The following GBF1 variants were observed in gnomAD, a reference collection of about 807,000 sequenced individuals.
GBF1 encodes the protein golgi brefeldin A resistant guanine nucleotide exchange factor 1.
GBF1 carries 114 observed loss-of-function variants against 210.5 expected under a neutral mutation model. That is an observed-to-expected ratio of 0.54 (90% CI 0.47 to 0.63). GBF1 has a LOEUF of 0.63. Among genes scored for constraint, GBF1 ranks in the 30% least tolerant of loss-of-function variants. GBF1 has a pLI of 0.00. For synonymous variants in GBF1, 850 were observed against 889.2 expected (o/e 0.96, Z 0.78); for missense variants, 1,851 against 2,357.7 (o/e 0.79, Z 4.45).
chr10:102,342,720 G>A (rs1383148669), intron 3 of GBF1, among the ~76,000 whole-genome samples: 1 of 152,048 alleles, frequency 6.6e-6, no homozygotes, highest in Non-Finnish European at 1.5e-5. Context: ...AGGTGGGGCA[G>A]CCTAGATCAC....
intron 3 of GBF1, among the ~76,000 whole-genome samples, chr10:102,322,647 C>T (rs1380396211): frequency 4.1e-5 from 6 of 145,664 alleles, no homozygotes; most frequent in Non-Finnish European, 7.4e-5. Context: ...TTTGGGAGGC[C>T]GAGGCAGGAG....
chr10:102,276,051 A>C (rs1465953630), intron 3 of GBF1, among the ~76,000 whole-genome samples: 1 of 151,862 alleles, frequency 6.6e-6, no homozygotes, highest in Non-Finnish European at 1.5e-5. Context: ...AGCCTGGCCA[A>C]CATGGTGAAA....
chr10:102,234,720 A>C, the GBF1 span, among the ~76,000 whole-genome samples: 1 of 152,114 alleles, frequency 6.6e-6, no homozygotes, highest in Non-Finnish European at 1.5e-5. Context: ...TGGAAGCAAC[A>C]TGGAGCTGGG....
the GBF1 span, among the ~76,000 whole-genome samples, chr10:102,232,742 A>T: frequency 1.3e-5 from 2 of 152,202 alleles, no homozygotes; most frequent in African/African-American, 2.4e-5. Context: ...CTACATCTGC[A>T]AAAACTTAAA....
chr10:102,249,014 C>T (rs995811917), intron 1 of GBF1, among the ~76,000 whole-genome samples: 1 of 152,176 alleles, frequency 6.6e-6, no homozygotes, highest in African/African-American at 2.4e-5. Context: ...AGAATGACCA[C>T]TCTTTCTATT....
rs192868024 is a variant in GBF1, at chr10:102,372,496, C to T, written c.3660+1636C>T. Among the ~76,000 whole-genome samples the T allele has an allele frequency of 1.8e-3, 275 of 152,158 alleles. 3 individuals carry two copies. The highest frequency in any genetic ancestry group is 0.016 in the Admixed American group (251 of 15,274). ...CACCATTGCACTCCAGCCTGGACAG[C>T]GAAACTCTGTCTCAAAAAAAAGACT... On this transcript the variant is annotated intron_variant, in intron 29 of 39. Coordinates refer to ENST00000369983, the MANE Select transcript of GBF1 (RefSeq NM_001377137.1).
chr10:102,382,037 C>T lies in GBF1; in HGVS notation c.5303-19C>T. On this transcript the variant is annotated intron_variant, in intron 39 of 39. Coordinates refer to ENST00000369983, the MANE Select transcript of GBF1 (RefSeq NM_001377137.1). Reference sequence around the variant, plus strand: ...ACCAACAAGGGAATCTGACTGTAACCACCTTGCTTTCCCTACAGACTTTGA... The same window carrying T: ...ACCAACAAGGGAATCTGACTGTAACTACCTTGCTTTCCCTACAGACTTTGA... 2.0e-6 allele frequency: 3 copies of T among 1,522,166 alleles called. No individual in the cohort carries two copies. Among genetic ancestry groups the T allele is most frequent in the Non-Finnish European group, 2.6e-6 (3 of 1,136,620 alleles). The allele number at this position is 1,522,166 out of a possible 1,614,324, so 94.3% of individuals were successfully genotyped here.
At chr10:102,295,290 G>A (rs2076821980) in intron 3 of GBF1, among the ~76,000 whole-genome samples, 1 of 152,178 alleles carries the variant, frequency 6.6e-6, no homozygotes, top group South Asian at 2.1e-4. Context: ...GAGTAGTATG[G>A]ACTGTGGCAG....
At position 102,382,207 on chromosome 10, in the gene GBF1, G is replaced by T. The variant is rs767804043; in HGVS notation, c.5454G>T (p.Leu1818=). The part of the protein sequence containing the change: ...PLILQPLASP[L]QVGVPPMTLP... The stretch of plus-strand genomic sequence containing the variant: ...TCCTGCAGCCCTTGGCCTCCCCACT[G>T]CAGGTGGGCGTGCCACCTATGACTC... Residue 1818 remains leucine, a synonymous_variant, in exon 40 of 40, where the codon CTG becomes CTT. Coordinates refer to ENST00000369983, the MANE Select transcript of GBF1 (RefSeq NM_001377137.1). The T allele has an allele frequency of 6.2e-7, 1 of 1,614,032 alleles. No homozygotes were observed. The highest frequency in any genetic ancestry group is 8.5e-7 in the Non-Finnish European group (1 of 1,179,912).
chr10:102,266,459 A>C (rs1457709822), intron 3 of GBF1, among the ~76,000 whole-genome samples: 24 of 152,142 alleles, frequency 1.6e-4, no homozygotes. Context: ...AATGGTAAAC[A>C]ATCAGTCAGA....
intron 3 of GBF1, among the ~76,000 whole-genome samples, chr10:102,338,660 G>A (rs2057946489): frequency 6.6e-6 from 1 of 151,994 alleles, no homozygotes; most frequent in Admixed American, 6.6e-5. Context: ...TACACACAGA[G>A]CCTCGGCTGG....
chr10:102,231,322 A>C, the GBF1 span, among the ~76,000 whole-genome samples: 1 of 152,162 alleles, frequency 6.6e-6, no homozygotes, highest in Non-Finnish European at 1.5e-5. Flanking sequence ...CTGGCGGGAC[A>C]GTAGGATGGG....
At chr10:102,304,210 A>G (rs560648098) in intron 3 of GBF1, among the ~76,000 whole-genome samples, 13 of 152,298 alleles carry the variant, frequency 8.5e-5, no homozygotes, top group Admixed American at 6.5e-4. Flanking sequence ...TTTATAATCT[A>G]TATTCTGACT....
At chr10:102,233,897 C>T in the GBF1 span, among the ~76,000 whole-genome samples, 1 of 152,202 alleles carries the variant, frequency 6.6e-6, no homozygotes, top group African/African-American at 2.4e-5. Context: ...CGCAGGGTCC[C>T]CTTTTCTGCC....
intron 3 of GBF1, among the ~76,000 whole-genome samples, chr10:102,302,953 G>T (rs2077513719): frequency 6.7e-6 from 1 of 149,260 alleles, no homozygotes; most frequent in Non-Finnish European, 1.5e-5. Context: ...AAGAGTTTTA[G>T]CTTTTACATT....
intron 3 of GBF1, among the ~76,000 whole-genome samples, chr10:102,265,590 C>T (rs1292497763): frequency 4.6e-5 from 7 of 151,984 alleles, no homozygotes; most frequent in East Asian, 1.9e-4. Context: ...TAGGCTGAGG[C>T]GAGAGGATCA....
At chr10:102,378,997 T>A (rs937114940) in intron 33 of GBF1, among the ~76,000 whole-genome samples, 2 of 152,172 alleles carry the variant, frequency 1.3e-5, no homozygotes, top group East Asian at 3.9e-4. Flanking sequence ...GAAATAGAAT[T>A]GAAAAGAAAG....
chr10:102,251,008 G>GA (rs35041817), intron 1 of GBF1, among the ~76,000 whole-genome samples: 87 of 143,382 alleles, frequency 6.1e-4, no homozygotes, highest in South Asian at 9.1e-4. Context: ...AAGTGATTAA[G>GA]AAAAAAAAAA....
In GBF1 at chr10:102,375,474, A is replaced by C; in HGVS notation, c.3776A>C (p.His1259Pro). ...CTGAAGACCAATGCAGCCAACATCC[A>C]CTCAGGTGATGACTGGGCCACACTC... is the stretch of plus-strand genomic sequence containing the variant. ...ELLKTNAANI[H>P]SGDDWATLFT... is the part of the protein sequence containing the mutation. Residue 1259 changes from histidine (H) to proline (P), a missense_variant, in exon 30 of 40, where the codon CAC (histidine) becomes CCC (proline). His to Pro is a moderately conservative substitution (Grantham distance 77). This residue lies in a region of GBF1 where 967 missense variants were observed against 1,247.7 expected (regional missense o/e 0.78). Transcript: ENST00000369983. The C allele has an allele frequency of 6.2e-7, 1 of 1,613,366 alleles. No individual in the cohort carries two copies. Among genetic ancestry groups the C allele is most frequent in the African/African-American group, 1.3e-5 (1 of 74,956 alleles).
Sources: allele counts gnomAD v4.1 joint callset (sites outside exome capture counted in the v4.1 genomes callset), GRCh38; gene constraint gnomAD v4.1.1; regional missense constraint gnomAD v4.1.1; transcripts MANE v1.5; gene names NCBI Gene and HGNC (gene_info 2026-07-23, HGNC 2026-07-21).